The following ITSN1 variants were observed in gnomAD, a reference collection of about 807,000 sequenced individuals.
The protein encoded by ITSN1 is intersectin-1.
In ITSN1, 58 loss-of-function variants were observed where a neutral mutation model predicts 239.8. The ratio of observed to expected loss-of-function variants is 0.24; its 90% CI spans 0.20 to 0.30. The LOEUF is 0.30. Among genes scored for constraint, ITSN1 ranks in the 10% least tolerant of loss-of-function variants. The probability of loss-of-function intolerance (pLI) is 1.00; values close to 1 mark genes in which losing one functional copy is unlikely to be tolerated. For missense variants in ITSN1, 1,558 were observed against 2,103.3 expected (o/e 0.74, Z 5.07); for synonymous variants, 780 against 770.8 (o/e 1.01, Z -0.20).
chr21:33,778,821 G>A (rs907524991), intron 14 of ITSN1, among the ~76,000 whole-genome samples: 4 of 140,652 alleles, frequency 2.8e-5, no homozygotes, highest in South Asian at 2.1e-4. Flanking sequence ...CTCGTGATCC[G>A]CCCGCCTCGG....
chr21:33,750,472 A>AT (rs1229225535), intron 6 of ITSN1, 150 bp downstream of exon 6: 17 of 744,904 alleles, frequency 2.3e-5, no homozygotes, highest in South Asian at 2.1e-4. Context: ...TTGATTTCAC[A>AT]TTTTTTCCAC....
At chr21:33,699,855 G>A (rs979053779) in intron 1 of ITSN1, among the ~76,000 whole-genome samples, 23 of 152,188 alleles carry the variant, frequency 1.5e-4, no homozygotes, top group Non-Finnish European at 1.3e-4. Flanking sequence ...GAACTCCTGG[G>A]ACAAAAGCAT....
chr21:33,886,487 T>C, intron 39 of ITSN1, 27 bp downstream of exon 39: 1 of 1,508,278 alleles, frequency 6.6e-7, no homozygotes, highest in Non-Finnish European at 8.9e-7. Context: ...CCTGTGGTTA[T>C]TCCTCCTTCC....
chr21:33,651,591 A>G (rs1015123792), intron 1 of ITSN1, among the ~76,000 whole-genome samples: 1 of 152,264 alleles, frequency 6.6e-6, no homozygotes, highest in African/African-American at 2.4e-5. Flanking sequence ...ACAAAGATCA[A>G]GAATTATTTA....
intron 12 of ITSN1, among the ~76,000 whole-genome samples, chr21:33,773,556 CA>C (rs1304989147): frequency 3.3e-5 from 5 of 152,140 alleles, no homozygotes; most frequent in Non-Finnish European, 7.3e-5. Flanking sequence ...GTAATCCCAG[CA>C]CTTTGGGAGG....
intron 33 of ITSN1, among the ~76,000 whole-genome samples, chr21:33,869,982 C>G (rs1461872240): frequency 6.6e-6 from 1 of 152,116 alleles, no homozygotes; most frequent in Admixed American, 6.6e-5. Context: ...AGAATTTTTT[C>G]CAGCCTTTCC....
intron 1 of ITSN1, among the ~76,000 whole-genome samples, chr21:33,696,416 T>C (rs1268985001): frequency 2.6e-5 from 4 of 152,222 alleles, no homozygotes; most frequent in East Asian, 3.8e-4. Flanking sequence ...GAAAATCTTA[T>C]TGTCTTTGCT....
Position 33,843,132 on chromosome 21 carries a change from T to A in ITSN1, c.3661+6500T>A, listed in dbSNP as rs562220985. ...CCTATACAGCTGAGGGCACTGAGGG[T>A]CTCGGGAAACACAGTGATGTTCTCA... On this transcript the variant is annotated intron_variant, in intron 29 of 39. Transcript: ENST00000381318. Among the ~76,000 whole-genome samples the A allele has an allele frequency of 3.3e-5, 5 of 152,226 alleles. No homozygotes were observed. In the South Asian group the frequency reaches 1.0e-3, roughly 32 times the overall value.
chr21:33,898,195 C>T lies in ITSN1; in HGVS notation c.*9895C>T, dbSNP rs1471560347. 6.6e-6 allele frequency: 1 copy of T among 152,242 alleles called. No homozygotes were observed. The highest frequency in any genetic ancestry group is 1.9e-4 in the East Asian group (1 of 5,204). 9.4% of individuals were successfully genotyped at this position (152,242 alleles called of 1,614,324 possible). Reference sequence around the variant, plus strand: ...TCCCACTAGAGAGGCCACTCTCTGACTTCCAGGTCGCCCTTTCTACTTCTG... The same window carrying T: ...TCCCACTAGAGAGGCCACTCTCTGATTTCCAGGTCGCCCTTTCTACTTCTG... On this transcript the variant is annotated 3_prime_UTR_variant, in exon 40 of 40. Transcript: ENST00000381318.
At position 33,888,420 on chromosome 21, in the gene ITSN1, G is replaced by A. The variant is rs966585680; in HGVS notation, c.*120G>A. ...TATTCAGTCACAGGGATATGGGATG[G>A]CAAAGACAGGCCCCTCAAAGCTCCT... On this transcript the variant is annotated 3_prime_UTR_variant, in exon 40 of 40. Transcript: ENST00000381318. 3 of 963,730 alleles carry A rather than the reference G, an allele frequency of 3.1e-6. No homozygotes were observed. The highest frequency in any genetic ancestry group is 3.0e-6 in the Non-Finnish European group (2 of 664,218). The allele number at this position is 963,730 out of a possible 1,614,324, so 59.7% of individuals were successfully genotyped here. A position where few individuals can be genotyped will look rare whatever the true frequency, so the allele number is the denominator to read the frequency against.
At chr21:33,756,718 A>G (rs1227375975) in intron 8 of ITSN1, 1 of 152,170 alleles carries the variant, frequency 6.6e-6, no homozygotes, top group Non-Finnish European at 1.5e-5. Context: ...TCGATGTGTC[A>G]TACTGCCTCA....
chr21:33,798,418 T>TTA (rs2071729364), intron 18 of ITSN1, among the ~76,000 whole-genome samples: 1 of 151,330 alleles, frequency 6.6e-6, no homozygotes, highest in African/African-American at 2.4e-5. Flanking sequence ...CTTTTTTTTT[T>TTA]AAAAAAGGGA....
rs769420583 is a variant in ITSN1 at position 33,781,484 on chromosome 21, A to T, written c.1620A>T (p.Arg540Ser). 6.3e-7 allele frequency: 1 copy of T among 1,596,510 alleles called. No homozygotes were observed. ...QLQESQQMLG[R>S]LIPEKQILND... Reference sequence around the variant, plus strand: ...AGGAATCTCAGCAAATGCTTGGAAGACTTATTCCAGAAAAACAGATACTCA... The same window carrying T: ...AGGAATCTCAGCAAATGCTTGGAAGTCTTATTCCAGAAAAACAGATACTCA... Residue 540 changes from arginine to serine, a missense_variant, in exon 15 of 40, where the codon AGA (arginine) becomes AGT (serine). Arg to Ser is a moderately radical substitution (Grantham distance 110). Transcript: ENST00000381318.
At chr21:33,827,747 G>A (rs1388976689) in intron 26 of ITSN1, among the ~76,000 whole-genome samples, 2 of 152,298 alleles carry the variant, frequency 1.3e-5, no homozygotes, top group African/African-American at 4.8e-5. Context: ...AGAAAGAAGC[G>A]GATGTGAAAT....
At chr21:33,858,904 C>CTT (rs60886019) in intron 31 of ITSN1, 112 bp downstream of exon 31, 142 of 454,306 alleles carry the variant, frequency 3.1e-4, no homozygotes, top group East Asian at 5.7e-4. Context: ...TTCTTTCTGG[C>CTT]TTTTTTTTTT....
intron 12 of ITSN1, among the ~76,000 whole-genome samples, chr21:33,773,843 C>T (rs1452721682): frequency 6.6e-6 from 1 of 152,026 alleles, no homozygotes; most frequent in Non-Finnish European, 1.5e-5. Flanking sequence ...CCATGCCTGG[C>T]TGATTTTTGT....
intron 8 of ITSN1, among the ~76,000 whole-genome samples, chr21:33,760,532 T>C (rs1280905763): frequency 2.0e-5 from 3 of 152,196 alleles, no homozygotes; most frequent in Non-Finnish European, 4.4e-5. Context: ...TCTCATGTGC[T>C]AATGTGATGC....
intron 16 of ITSN1, among the ~76,000 whole-genome samples, chr21:33,788,052 G>T (rs1335810952): frequency 6.6e-6 from 1 of 152,076 alleles, no homozygotes; most frequent in Non-Finnish European, 1.5e-5. Context: ...GGGTTAAGAA[G>T]AACTCAGTCT....
In ITSN1 at chr21:33,895,441, ATG is replaced by A. The variant is rs1237918880; in HGVS notation, c.*7145_*7146del. 5.3e-5 allele frequency: 5 copies of A among 94,358 alleles called. No individual in the cohort carries two copies. Among genetic ancestry groups the A allele is most frequent in the Admixed American group, 1.1e-4 (1 of 9,026 alleles). The allele number at this position is 94,358 out of a possible 1,614,324, so 5.8% of individuals were successfully genotyped here. A position where few individuals can be genotyped will look rare whatever the true frequency, so the allele number is the denominator to read the frequency against. ...CGTGTTTGTGCGTGCGTGTGCATGT[ATG>A]TGTTTGTGCGTGCACGTGTGCGTGT... On this transcript the variant is annotated 3_prime_UTR_variant, in exon 40 of 40. Transcript: ENST00000381318.
Sources: allele counts gnomAD v4.1 joint callset (sites outside exome capture counted in the v4.1 genomes callset), GRCh38; gene constraint gnomAD v4.1.1; transcripts MANE v1.5; gene names NCBI Gene and HGNC (gene_info 2026-07-23, HGNC 2026-07-21).